Variants in WNK1 observed in about 807,000 individuals in gnomAD.
WNK1 encodes the protein WNK lysine deficient protein kinase 1.
Under a neutral mutation model 222.8 loss-of-function variants are expected in WNK1, and 38 were observed. The ratio of observed to expected loss-of-function variants is 0.17; its 90% CI spans 0.13 to 0.22. The LOEUF is 0.22. Ranked by LOEUF, WNK1 falls within the 10% of genes least tolerant of loss-of-function variation. The pLI is 1.00. For synonymous variants in WNK1, 1,090 were observed against 1,092.9 expected (o/e 1.00, Z 0.05); for missense variants, 2,348 against 2,918.4 (o/e 0.80, Z 4.50).
chr12:822,694 A>C (rs921082606), intron 2 of WNK1, among the ~76,000 whole-genome samples: 1 of 152,134 alleles, frequency 6.6e-6, no homozygotes, highest in Non-Finnish European at 1.5e-5. Context: ...CATTGTCTCA[A>C]ATTTTATGTT....
chr12:868,616 A>G lies in WNK1; in HGVS notation c.2140-2649A>G, dbSNP rs1565549633. The G allele has an allele frequency of 6.2e-7, 1 of 1,614,004 alleles. No homozygotes were observed. Among genetic ancestry groups the G allele is most frequent in the Non-Finnish European group, 8.5e-7 (1 of 1,179,878 alleles). ...AACTCATAACAATGAGAGCAGAAGC[A>G]ACTGTGTATTTGAATTTCATGTTCA... is the stretch of plus-strand genomic sequence containing the variant. On this transcript the variant is annotated intron_variant, in intron 8 of 27. Coordinates refer to ENST00000315939, the MANE Select transcript of WNK1 (RefSeq NM_018979.4).
intron 1 of WNK1, among the ~76,000 whole-genome samples, chr12:788,573 A>G (rs1218000714): frequency 6.6e-6 from 1 of 152,222 alleles, no homozygotes; most frequent in Non-Finnish European, 1.5e-5. Context: ...AATATGTTAC[A>G]TATGAAAAAT....
intron 1 of WNK1, among the ~76,000 whole-genome samples, chr12:783,194 T>C (rs1198111444): frequency 2.6e-5 from 4 of 151,942 alleles, no homozygotes; most frequent in African/African-American, 9.7e-5. Flanking sequence ...AGATTATAAG[T>C]GTGAGCCACC....
rs1565500029 is a variant in WNK1, at chr12:838,504, T to G, written c.1311+8344T>G. ...ATCTCGGCTCACTGCAGTTTCCATCTCCTGGGCTCAAGTGATTCTCCCGCC... is the reference window on the plus strand; with the variant it reads ...ATCTCGGCTCACTGCAGTTTCCATCGCCTGGGCTCAAGTGATTCTCCCGCC... On this transcript the variant is annotated intron_variant, in intron 4 of 27. Transcript: ENST00000315939. Among the ~76,000 whole-genome samples, 3 of 152,258 alleles carry G rather than the reference T, an allele frequency of 2.0e-5. No individual in the cohort carries two copies. The South Asian group carries it at 6.2e-4, about 32-fold the overall frequency.
At position 889,171 on chromosome 12, in the gene WNK1, A is replaced by G. The variant is rs1429351263; in HGVS notation, c.5396A>G (p.Gln1799Arg). The change falls in exon 21 of 28, where the codon CAA (glutamine) becomes CGA (arginine). Residue 1799 changes from glutamine to arginine, a missense_variant. This residue lies in a region of WNK1 where 1,144 missense variants were observed against 1,273.6 expected (regional missense o/e 0.90). Coordinates refer to ENST00000315939, the MANE Select transcript of WNK1 (RefSeq NM_018979.4). ...SQQPLEDLDA[Q>R]LRRTLSPEMI... ...CAACCTCTAGAGGATCTTGATGCTC[A>G]ATTGAGAAGAACACTTAGTCCAGAG... 2 of 1,614,146 alleles carry G rather than the reference A, an allele frequency of 1.2e-6. No individual in the cohort carries two copies. Among genetic ancestry groups the G allele is most frequent in the South Asian group, 2.2e-5 (2 of 91,084 alleles).
intron 25 of WNK1, among the ~76,000 whole-genome samples, chr12:899,868 A>AG (rs397799339): frequency 5.7e-4 from 87 of 151,798 alleles, no homozygotes; most frequent in Non-Finnish European, 1.0e-4. Context: ...TAAAAAAAAA[A>AG]GCAATCATGG....
At position 753,928 on chromosome 12, in the gene WNK1, G is replaced by C. The variant is rs1321722235; in HGVS notation, c.363G>C (p.Arg121=). The C allele has an allele frequency of 1.2e-6, 2 of 1,605,810 alleles. No individual in the cohort carries two copies. Among genetic ancestry groups the C allele is most frequent in the East Asian group, 2.2e-5 (1 of 44,682 alleles). The part of the protein sequence containing the change: ...VPQSAPPEPH[R]EETVTATATS... ...AGAGTGCTCCACCGGAGCCCCACCGGGAAGAGACCGTGACCGCCACCGCCA... is the reference window on the plus strand; with the variant it reads ...AGAGTGCTCCACCGGAGCCCCACCGCGAAGAGACCGTGACCGCCACCGCCA... Residue 121 remains arginine (R), a synonymous_variant, in exon 1 of 28, where the codon CGG becomes CGC. Coordinates refer to ENST00000315939, the MANE Select transcript of WNK1 (RefSeq NM_018979.4). The surrounding 1 kb of genome is among the most constrained non-coding windows in gnomAD (Gnocchi z 5.2).
intron 22 of WNK1, among the ~76,000 whole-genome samples, chr12:890,813 C>T (rs778144776): frequency 2.6e-5 from 4 of 152,144 alleles, no homozygotes; most frequent in Admixed American, 6.6e-5. Context: ...TTACTGATAA[C>T]CTCTTAGCTT....
At chr12:835,635 T>TAA (rs879538540) in intron 4 of WNK1, among the ~76,000 whole-genome samples, 4 of 146,148 alleles carry the variant, frequency 2.7e-5, no homozygotes, top group African/African-American at 1.0e-4. Context: ...TCAGTTTTGT[T>TAA]AAAAAAAAAA....
intron 4 of WNK1, among the ~76,000 whole-genome samples, chr12:843,739 C>T (rs1949801804): frequency 6.6e-6 from 1 of 152,212 alleles, no homozygotes; most frequent in Admixed American, 6.5e-5. Flanking sequence ...ATGCAAAGTG[C>T]AGTCCTCAGA....
intron 1 of WNK1, among the ~76,000 whole-genome samples, chr12:795,296 G>GTTTTTTTTTT (rs35447912): frequency 6.8e-5 from 9 of 133,022 alleles, no homozygotes; most frequent in Admixed American, 7.6e-5. Flanking sequence ...ATTTTCCGTT[G>GTTTTTTTTTT]TTTTTTTTTT....
At chr12:821,066 T>TTTTTAAACAGA in intron 2 of WNK1, among the ~76,000 whole-genome samples, 2 of 88,378 alleles carry the variant, frequency 2.3e-5, no homozygotes, top group African/African-American at 7.9e-5. Flanking sequence ...TTTTTTTTTT[T>TTTTTAAACAGA]TGGAAAGGTG....
intron 8 of WNK1, chr12:865,146 ATCTT>A: frequency 6.5e-7 from 1 of 1,529,978 alleles, no homozygotes; most frequent in Non-Finnish European, 8.7e-7. Flanking sequence ...TTGTGTTCCC[ATCTT>A]TCTGCTGTTG....
At chr12:791,754 A>G (rs1210692989) in intron 1 of WNK1, among the ~76,000 whole-genome samples, 1 of 152,196 alleles carries the variant, frequency 6.6e-6, no homozygotes, top group Non-Finnish European at 1.5e-5. Flanking sequence ...ACATTAATAT[A>G]AATGATGCCC....
chr12:897,451 T>C (rs778176759), intron 24 of WNK1, 28 bp from the exon 25 acceptor site: 1 of 1,385,428 alleles, frequency 7.2e-7, no homozygotes, highest in Non-Finnish European at 1.0e-6. Context: ...TTATGGTATT[T>C]TGAATTATGT....
rs896561351 is a variant in WNK1 at position 796,075 on chromosome 12, T to C, written c.760-17567T>C. 9.2e-5 allele frequency among the ~76,000 whole-genome samples: 14 copies of C among 152,284 alleles called. No individual in the cohort carries two copies. In the East Asian group the frequency reaches 1.9e-3, roughly 21 times the overall value. ...CGTTTGTAGAGACAGGGTTTCACCA[T>C]GTTGTCCAGGCTGGTCTTGAATTCC... On this transcript the variant is annotated intron_variant, in intron 1 of 27. Transcript: ENST00000315939.
At chr12:785,189 G>A (rs1420359491) in intron 1 of WNK1, among the ~76,000 whole-genome samples, 13 of 151,878 alleles carry the variant, frequency 8.6e-5, no homozygotes, top group Admixed American at 6.6e-4. Flanking sequence ...TGTCCTCAGC[G>A]TTTTGAAATT....
intron 26 of WNK1, among the ~76,000 whole-genome samples, chr12:904,874 T>C (rs1366870671): frequency 1.3e-5 from 2 of 152,208 alleles, no homozygotes; most frequent in Non-Finnish European, 2.9e-5. Flanking sequence ...ACGTTCACAC[T>C]GAAGTGGGAG....
chr12:797,297 C>T (rs1242672861), intron 1 of WNK1, among the ~76,000 whole-genome samples: 1 of 151,990 alleles, frequency 6.6e-6, no homozygotes, highest in Non-Finnish European at 1.5e-5. Flanking sequence ...ATATTGTGTT[C>T]AATAAAGATT....
Sources: allele counts gnomAD v4.1 joint callset (sites outside exome capture counted in the v4.1 genomes callset), GRCh38; gene constraint gnomAD v4.1.1; regional missense constraint gnomAD v4.1.1; non-coding constraint Gnocchi (gnomAD v3.1); transcripts MANE v1.5; gene names NCBI Gene and HGNC (gene_info 2026-07-23, HGNC 2026-07-21).